FBF1: variants seen among roughly 807,000 people sequenced by gnomAD.
The protein encoded by FBF1 is fas-binding factor 1.
A neutral mutation model predicts 147.2 loss-of-function variants in FBF1; 119 were observed. The observed-to-expected ratio is 0.81, with a 90% confidence interval of 0.70 to 0.94. FBF1 has a LOEUF of 0.94. FBF1 is among the 40% of genes least tolerant of loss of function. The pLI, the probability that FBF1 is intolerant of heterozygous loss-of-function variation, is 0.00. For missense variants in FBF1, 1,449 were observed against 1,500.8 expected, an observed-to-expected ratio of 0.97 and a Z score of 0.57; for synonymous variants, 601 against 609.0, an observed-to-expected ratio of 0.99 and a Z score of 0.19.
intron 15 of FBF1, 50 bp downstream of exon 15, chr17:75,921,895 G>A: frequency 2.0e-6 from 3 of 1,471,058 alleles, no homozygotes; most frequent in South Asian, 2.4e-5. Flanking sequence ...ACAGAGGCCT[G>A]TGCTGCCCAC....
chr17:75,934,833 T>C (rs904279779), intron 4 of FBF1, among the ~76,000 whole-genome samples: 22 of 144,378 alleles, frequency 1.5e-4, no homozygotes, highest in Non-Finnish European at 2.8e-4. Context: ...GAGCCGAGAT[T>C]GCGCCATTGC....
At position 75,919,657 on chromosome 17, in the gene FBF1, C is replaced by G. The variant is rs2065511021; in HGVS notation, c.2138+11G>C. The G allele has an allele frequency of 6.3e-7, 1 of 1,586,756 alleles. No individual in the cohort carries two copies. The highest frequency in any genetic ancestry group is 1.1e-5 in the South Asian group (1 of 88,080). Reference sequence around the variant, plus strand: ...AAGCCTGCTCCCCAGCTGCCTGTCCCTGGGCCTCACCGCTGCAGCTCCCGG... The same window carrying G: ...AAGCCTGCTCCCCAGCTGCCTGTCCGTGGGCCTCACCGCTGCAGCTCCCGG... On this transcript the variant is annotated intron_variant, in intron 20 of 29. Transcript: ENST00000636174. The surrounding 1 kb of genome is among the most constrained non-coding windows in gnomAD (Gnocchi z 5.0).
rs749858287 is a variant in FBF1, at chr17:75,918,093, C to A, written c.2247-23G>T. On this transcript the variant is annotated intron_variant, in intron 21 of 29. Coordinates refer to ENST00000636174, the MANE Select transcript of FBF1 (RefSeq NM_001319193.2). The surrounding 1 kb of genome is among the most constrained non-coding windows in gnomAD (Gnocchi z 5.8). ...GACCTGGAAGAAGACTGGGTCACCCCCTCCTGACGGTCTCGGGGACCTTCC... is the reference window on the plus strand; with the variant it reads ...GACCTGGAAGAAGACTGGGTCACCCACTCCTGACGGTCTCGGGGACCTTCC... 1.2e-6 allele frequency: 2 copies of A among 1,605,786 alleles called. No homozygotes were observed. Among genetic ancestry groups the A allele is most frequent in the Non-Finnish European group, 1.7e-6 (2 of 1,174,522 alleles).
chr17:75,939,262 C>G (rs2065644662), intron 1 of FBF1, among the ~76,000 whole-genome samples: 1 of 145,644 alleles, frequency 6.9e-6, no homozygotes, highest in Non-Finnish European at 1.5e-5. Flanking sequence ...CCCCACTGCA[C>G]TCCAGCCTGG....
Position 75,923,339 on chromosome 17 carries a change from G to A in FBF1, c.1271C>T (p.Ala424Val). The A allele has an allele frequency of 6.2e-7, 1 of 1,603,118 alleles. No individual in the cohort carries two copies. Among genetic ancestry groups the A allele is most frequent in the Non-Finnish European group, 8.5e-7 (1 of 1,175,244 alleles). Reference protein sequence around the residue: ...GAGSPAKASQASKLRASKEEK... With the variant: ...GAGSPAKASQVSKLRASKEEK... ...CTCCTTGGAGGCTCGCAGCTTGGAAGCCTGGCTGGCTTTGGCAGGGGACCC... is the reference window on the plus strand; with the variant it reads ...CTCCTTGGAGGCTCGCAGCTTGGAAACCTGGCTGGCTTTGGCAGGGGACCC... Residue 424 changes from alanine to valine, a missense_variant, in exon 14 of 30, where the codon GCT (alanine) becomes GTT (valine). Coordinates refer to ENST00000636174, the MANE Select transcript of FBF1 (RefSeq NM_001319193.2). This position sits in a 1 kb window ranked among gnomAD's most constrained non-coding sequence, Gnocchi z 4.1.
chr17:75,937,942 T>C, intron 2 of FBF1: 3 of 717,972 alleles, frequency 4.2e-6, no homozygotes, highest in Non-Finnish European at 7.0e-6. Flanking sequence ...TTAAAAACGC[T>C]TCCAGCTGGA....
In FBF1 at chr17:75,937,591, T is replaced by C. The variant is rs937181889; in HGVS notation, c.6A>G (p.Ala2=). 2 of 1,613,792 alleles carry C rather than the reference T, an allele frequency of 1.2e-6. No individual in the cohort carries two copies. Among genetic ancestry groups the C allele is most frequent in the African/African-American group, 2.7e-5 (2 of 74,876 alleles). M[A]PKTKKGCKGS... ...CTTTACATCCTTTCTTGGTTTTTGG[T>C]GCCTAAAATGGGAAAAACAAATCAC... Residue 2 remains alanine (A), a splice_region_variant and synonymous_variant, in exon 3 of 30, where the codon GCA becomes GCG. Coordinates refer to ENST00000636174, the MANE Select transcript of FBF1 (RefSeq NM_001319193.2).
rs1256306312 is a variant in FBF1 at position 75,921,241 on chromosome 17, T to C, written c.1674+3A>G. 1.3e-6 allele frequency: 2 copies of C among 1,582,460 alleles called. No individual in the cohort carries two copies. Among genetic ancestry groups the C allele is most frequent in the African/African-American group, 2.7e-5 (2 of 74,300 alleles). ...AGCTAGACCTGTCTGCCCACACCCC[T>C]ACCTGGACGGGCACGGAAGGCTCTG... On this transcript the variant is annotated splice_donor_region_variant and intron_variant, in intron 17 of 29. Coordinates refer to ENST00000636174, the MANE Select transcript of FBF1 (RefSeq NM_001319193.2).
In FBF1 at chr17:75,912,173, A is replaced by G; in HGVS notation, c.3363+19T>C. 6.3e-7 allele frequency: 1 copy of G among 1,589,130 alleles called. No individual in the cohort carries two copies. Among genetic ancestry groups the G allele is most frequent in the Non-Finnish European group, 8.6e-7 (1 of 1,167,404 alleles). ...AGGACTCGTGAACACAAGGATCCCC[A>G]AGGCCAGGAGAGACTCACCTGCTCT... On this transcript the variant is annotated intron_variant, in intron 29 of 29. Transcript: ENST00000636174.
At chr17:75,939,021 C>T (rs1314555391) in intron 1 of FBF1, among the ~76,000 whole-genome samples, 6 of 151,918 alleles carry the variant, frequency 3.9e-5, no homozygotes, top group African/African-American at 1.2e-4. Context: ...TCAGGCTGGG[C>T]GCGGTGGCTC....
At chr17:75,913,642 C>G (rs2065468600) in intron 28 of FBF1, 60 bp downstream of exon 28, 1 of 1,410,274 alleles carries the variant, frequency 7.1e-7, no homozygotes. Flanking sequence ...GGCCTGCCCA[C>G]TCCTAGCACT....
chr17:75,929,964 C>CCCCCCCTCTAA, intron 7 of FBF1, 33 bp downstream of exon 7: 1 of 1,402,202 alleles, frequency 7.1e-7, no homozygotes, highest in South Asian at 1.2e-5. Context: ...CACCCACCCC[C>CCCCCCCTCTAA]AGTTCTAAGA....
chr17:75,940,939 G>T lies in FBF1; in HGVS notation c.-175C>A. On this transcript the variant is annotated 5_prime_UTR_variant, in exon 1 of 30. Transcript: ENST00000636174. ...CCTGTTACGCGCCGTGCCCCCGGAG[G>T]TGCGGCCGCTGGGACCAGCGCCGGC... 6.5e-6 allele frequency: 1 copy of T among 152,892 alleles called. No homozygotes were observed. The highest frequency in any genetic ancestry group is 1.5e-5 in the Non-Finnish European group (1 of 68,124). The allele number at this position is 152,892 out of a possible 1,614,324, so 9.5% of individuals were successfully genotyped here. A position where few individuals can be genotyped will look rare whatever the true frequency, so the allele number is the denominator to read the frequency against.
At chr17:75,938,619 T>C (rs2144203066) in intron 1 of FBF1, among the ~76,000 whole-genome samples, 1 of 149,824 alleles carries the variant, frequency 6.7e-6, no homozygotes, top group Non-Finnish European at 1.5e-5. Context: ...CCCAAAACTC[T>C]TTGGGAGGCC....
rs535482231 is a variant in FBF1 at position 75,915,002 on chromosome 17, G to A, written c.2628+15C>T. ...AATGGCAGGGGCAGGGGCTGAGTGC[G>A]GTGGCTTGACTCACCTTGGCCCGTT... On this transcript the variant is annotated intron_variant, in intron 24 of 29. Coordinates refer to ENST00000636174, the MANE Select transcript of FBF1 (RefSeq NM_001319193.2). 6 of 1,612,924 alleles carry A rather than the reference G, an allele frequency of 3.7e-6. No individual in the cohort carries two copies. In the Admixed American group the frequency reaches 5.0e-5, roughly 13 times the overall value.
intron 25 of FBF1, 125 bp from the exon 26 acceptor site, chr17:75,914,423 G>A (rs2065475338): frequency 7.2e-7 from 1 of 1,397,386 alleles, no homozygotes; most frequent in Non-Finnish European, 9.5e-7. Flanking sequence ...GGGGCTTCCA[G>A]GGAGAGCCAG....
At chr17:75,911,377 G>T (rs759997789) in intron 29 of FBF1, among the ~76,000 whole-genome samples, 5 of 152,284 alleles carry the variant, frequency 3.3e-5, no homozygotes, top group Non-Finnish European at 4.4e-5. Context: ...TGAGACAAGT[G>T]CCTTGCTCTG....
intron 15 of FBF1, 21 bp from the exon 16 acceptor site, chr17:75,921,581 C>A (rs775242437): frequency 2.6e-6 from 4 of 1,520,602 alleles, no homozygotes; most frequent in Non-Finnish European, 2.7e-6. Flanking sequence ...AGGGATGGGG[C>A]ATGGTGAGCA....
intron 1 of FBF1, among the ~76,000 whole-genome samples, chr17:75,939,551 TTC>T (rs763552660): frequency 4.0e-4 from 61 of 152,118 alleles, no homozygotes; most frequent in Non-Finnish European, 7.5e-4. Flanking sequence ...CTCTTTGATA[TTC>T]TTTTTCTTTT....
Sources: allele counts gnomAD v4.1 joint callset (sites outside exome capture counted in the v4.1 genomes callset), GRCh38; gene constraint gnomAD v4.1.1; non-coding constraint Gnocchi (gnomAD v3.1); transcripts MANE v1.5; gene names NCBI Gene and HGNC (gene_info 2026-07-23, HGNC 2026-07-21).